The following SIRPG variants were observed in gnomAD, a reference collection of about 807,000 sequenced individuals.
SIRPG encodes the protein signal-regulatory protein gamma.
Under a neutral mutation model 35.7 loss-of-function variants are expected in SIRPG, and 38 were observed. That is an observed-to-expected ratio of 1.06 (90% CI 0.82 to 1.40). The LOEUF (loss-of-function observed/expected upper bound fraction) is 1.40, where lower values mean the gene tolerates loss of function less well. Among genes scored for constraint, SIRPG ranks in the 40% most tolerant of loss-of-function variants. The probability of loss-of-function intolerance (pLI) is 0.00; values close to 1 mark genes in which losing one functional copy is unlikely to be tolerated. For missense variants in SIRPG, 519 were observed against 483.0 expected, an observed-to-expected ratio of 1.07 and a Z score of -0.70; for synonymous variants, 215 against 190.4, an observed-to-expected ratio of 1.13 and a Z score of -1.06.
intron 4 of SIRPG, among the ~76,000 whole-genome samples, chr20:1,631,879 T>G (rs563239077): frequency 4.5e-4 from 68 of 152,312 alleles, no homozygotes; most frequent in Middle Eastern, 3.4e-3. Context: ...ATATTTTTTT[T>G]GGGGAAATAT....
intron 2 of SIRPG, among the ~76,000 whole-genome samples, 185 bp downstream of exon 2, chr20:1,648,867 A>T (rs143170937): frequency 6.6e-6 from 1 of 152,212 alleles, no homozygotes; most frequent in African/African-American, 2.4e-5. Flanking sequence ...ACTAGCAATC[A>T]TTTACCTTGA....
At chr20:1,636,656 G>A (rs1313960517) in intron 2 of SIRPG, 151 bp from the exon 3 acceptor site, 1 of 1,005,754 alleles carries the variant, frequency 9.9e-7, no homozygotes, top group Non-Finnish European at 1.4e-6. Context: ...ATTTTACAGA[G>A]CAGGATGCAA....
intron 2 of SIRPG, among the ~76,000 whole-genome samples, chr20:1,643,763 C>CT (rs1294372160): frequency 6.6e-6 from 1 of 152,068 alleles, no homozygotes; most frequent in Non-Finnish European, 1.5e-5. Context: ...TTTGTGGGGA[C>CT]TTTTTTTGTT....
chr20:1,645,287 A>G (rs1037813452), intron 2 of SIRPG, among the ~76,000 whole-genome samples: 1 of 151,696 alleles, frequency 6.6e-6, no homozygotes, highest in Non-Finnish European at 1.5e-5. Flanking sequence ...CCTATGGGGC[A>G]TGACCTTTGC....
At chr20:1,671,591 A>C in the SIRPG span, among the ~76,000 whole-genome samples, 2 of 152,232 alleles carry the variant, frequency 1.3e-5, no homozygotes, top group Non-Finnish European at 2.9e-5. Flanking sequence ...TAGAAAGTAT[A>C]GAGGTGTGGA....
intron 2 of SIRPG, among the ~76,000 whole-genome samples, chr20:1,642,915 G>T (rs1046133793): frequency 2.6e-5 from 4 of 152,202 alleles, no homozygotes; most frequent in Non-Finnish European, 5.9e-5. Context: ...CTCCTGGCTT[G>T]TAGGGTTTCT....
chr20:1,648,579 G>C (rs1188986593), intron 2 of SIRPG: 1 of 152,390 alleles, frequency 6.6e-6, no homozygotes, highest in East Asian at 1.9e-4. Context: ...AGCATCCAGG[G>C]CGGAGTCTGG....
chr20:1,642,892 T>C (rs1030588084), intron 2 of SIRPG, among the ~76,000 whole-genome samples: 3 of 152,184 alleles, frequency 2.0e-5, no homozygotes, highest in Non-Finnish European at 4.4e-5. Context: ...TGTTGAATAT[T>C]GGCCCCCACT....
intron 1 of SIRPG, among the ~76,000 whole-genome samples, chr20:1,655,491 A>T (rs2122579814): frequency 6.6e-6 from 1 of 152,234 alleles, no homozygotes; most frequent in Non-Finnish European, 1.5e-5. Flanking sequence ...ATAGAAGTAG[A>T]AAGTAGAATG....
rs901773837 is a variant in SIRPG at position 1,638,987 on chromosome 20, A to G, written c.431-2482T>C. ...ATGGCTGCATAGTATTCCATGGTGT[A>G]TATGTACCACCTTTTCTTTGTCCAG... On this transcript the variant is annotated intron_variant, in intron 2 of 5. Coordinates refer to ENST00000303415, the MANE Select transcript of SIRPG (RefSeq NM_018556.4). Among the ~76,000 whole-genome samples, 8 of 152,254 alleles carry G rather than the reference A, an allele frequency of 5.3e-5. 1 individual carries two copies. Among genetic ancestry groups the G allele is most frequent in the South Asian group, 2.1e-4 (1 of 4,808 alleles).
At chr20:1,634,264 T>C (rs1172344114) in intron 4 of SIRPG, among the ~76,000 whole-genome samples, 4 of 146,006 alleles carry the variant, frequency 2.7e-5, no homozygotes, top group African/African-American at 1.0e-4. Context: ...TGGAGTGCAG[T>C]GGCATGATCT....
At chr20:1,632,919 A>G (rs1028565733) in intron 4 of SIRPG, among the ~76,000 whole-genome samples, 1 of 152,102 alleles carries the variant, frequency 6.6e-6, no homozygotes, top group Non-Finnish European at 1.5e-5. Context: ...AAATGAATAA[A>G]CTGGAAACAC....
intron 2 of SIRPG, among the ~76,000 whole-genome samples, chr20:1,644,614 G>A (rs1029062177): frequency 1.1e-4 from 16 of 152,374 alleles, no homozygotes; most frequent in Non-Finnish European, 1.9e-4. Flanking sequence ...GCAGCCTTAA[G>A]GAGATTCTAG....
the SIRPG span, chr20:1,670,892 C>A: frequency 3.2e-6 from 1 of 314,364 alleles, no homozygotes; most frequent in Admixed American, 3.7e-5. Flanking sequence ...TGAATGGTTT[C>A]AGACAAGTTT....
chr20:1,646,965 C>T (rs1160028563), intron 2 of SIRPG: 1 of 152,350 alleles, frequency 6.6e-6, no homozygotes, highest in African/African-American at 2.4e-5. Context: ...GTCTTTAATG[C>T]TTTTCGCTAT....
upstream of SIRPG, among the ~76,000 whole-genome samples, chr20:1,660,268 T>C (rs2091992668): frequency 6.6e-6 from 1 of 152,140 alleles, no homozygotes; most frequent in Admixed American, 6.5e-5. Flanking sequence ...TATACATAAA[T>C]AAGTATAATA....
chr20:1,681,957 T>C, the SIRPG span, among the ~76,000 whole-genome samples: 1 of 144,510 alleles, frequency 6.9e-6, no homozygotes, highest in African/African-American at 2.5e-5. Context: ...ATATAACTAA[T>C]ATAACTATAG....
chr20:1,640,751 T>C (rs2091845775), intron 2 of SIRPG, among the ~76,000 whole-genome samples: 1 of 152,210 alleles, frequency 6.6e-6, no homozygotes, highest in African/African-American at 2.4e-5. Flanking sequence ...GGGGTTGTCA[T>C]AAATAGTTCT....
chr20:1,630,581 G>A, intron 4 of SIRPG: 1 of 377,066 alleles, frequency 2.7e-6, no homozygotes, highest in Non-Finnish European at 4.8e-6. Context: ...TGGCAACGGG[G>A]TTCCTCACTT....
Sources: allele counts gnomAD v4.1 joint callset (sites outside exome capture counted in the v4.1 genomes callset), GRCh38; gene constraint gnomAD v4.1.1; transcripts MANE v1.5; gene names NCBI Gene and HGNC (gene_info 2026-07-23, HGNC 2026-07-21).